SETD2: variants seen among roughly 807,000 people sequenced by gnomAD.
SETD2 encodes the protein SET domain containing 2, histone lysine methyltransferase, also known as histone-lysine N-methyltransferase SETD2.
In SETD2, 31 loss-of-function variants were observed where a neutral mutation model predicts 242.1. The ratio of observed to expected loss-of-function variants is 0.13; its 90% CI spans 0.10 to 0.17. The LOEUF is 0.17. SETD2 is among the 10% of genes least tolerant of loss of function. The probability of loss-of-function intolerance (pLI) is 1.00; values close to 1 mark genes in which losing one functional copy is unlikely to be tolerated. For synonymous variants in SETD2, 1,006 were observed against 1,066.5 expected (o/e 0.94, Z 1.11); for missense variants, 2,481 against 3,046.3 (o/e 0.81, Z 4.37).
intron 18 of SETD2, among the ~76,000 whole-genome samples, chr3:47,024,733 CAT>C (rs780380581): frequency 6.6e-6 from 1 of 152,220 alleles, no homozygotes; most frequent in East Asian, 1.9e-4. Context: ...TTTAACATAA[CAT>C]AGTTAGAGGA....
intron 18 of SETD2, among the ~76,000 whole-genome samples, chr3:47,021,829 C>G (rs750483269): frequency 2.0e-5 from 3 of 152,126 alleles, no homozygotes; most frequent in Non-Finnish European, 2.9e-5. Flanking sequence ...TAGGACCCCC[C>G]ACTCCAAAAA....
intron 1 of SETD2, among the ~76,000 whole-genome samples, chr3:47,129,881 AAAAAAAAAAAAG>A (rs1193388712): frequency 1.3e-5 from 2 of 151,058 alleles, no homozygotes; most frequent in African/African-American, 4.8e-5. Context: ...TCCGCCTCAA[AAAAAAAAAAAAG>A]AAAAAAGAAA....
chr3:47,126,160 G>C (rs1231724581), intron 2 of SETD2, among the ~76,000 whole-genome samples: 2 of 152,146 alleles, frequency 1.3e-5, no homozygotes, highest in Non-Finnish European at 2.9e-5. Flanking sequence ...CTCCTGAGTA[G>C]CTGGGACTAA....
intron 18 of SETD2, among the ~76,000 whole-genome samples, chr3:47,029,597 G>GT (rs2038672427): frequency 6.6e-6 from 1 of 151,988 alleles, no homozygotes; most frequent in Non-Finnish European, 1.5e-5. Flanking sequence ...GTCCTATTGT[G>GT]TTTCTTGTTT....
intron 9 of SETD2, among the ~76,000 whole-genome samples, chr3:47,090,385 A>G: frequency 6.6e-6 from 1 of 151,992 alleles, no homozygotes; most frequent in Non-Finnish European, 1.5e-5. Flanking sequence ...ATGGATTATT[A>G]TTTTTTTATT....
chr3:47,084,254 C>A lies in SETD2; in HGVS notation c.5526G>T (p.Gly1842=), dbSNP rs2041448946. The A allele has an allele frequency of 6.2e-7, 1 of 1,613,906 alleles. No individual in the cohort carries two copies. Among genetic ancestry groups the A allele is most frequent in the African/African-American group, 1.3e-5 (1 of 74,872 alleles). The change falls in exon 12 of 21, where the codon GGG becomes GGT. Residue 1842 remains glycine, a synonymous_variant. Transcript: ENST00000409792. The part of the protein sequence containing the change: ...TAVPPLSEGD[G]YSSENTSRAH... The stretch of plus-strand genomic sequence containing the variant: ...CACGCGATGTATTCTCACTAGAATA[C>A]CCATCTCCTTCACTCAACGGAGGGA...
At chr3:47,132,862 G>A (rs1475036182) in intron 1 of SETD2, among the ~76,000 whole-genome samples, 1 of 152,146 alleles carries the variant, frequency 6.6e-6, no homozygotes, top group Non-Finnish European at 1.5e-5. Context: ...ATTTCTGACA[G>A]AAAACAAAAA....
intron 9 of SETD2, among the ~76,000 whole-genome samples, chr3:47,090,703 GATA>G (rs2041767541): frequency 6.6e-6 from 1 of 152,072 alleles, no homozygotes; most frequent in Non-Finnish European, 1.5e-5. Context: ...AGTGGAACTT[GATA>G]ATAATTTGTG....
intron 1 of SETD2, among the ~76,000 whole-genome samples, chr3:47,137,745 A>C (rs1489572587): frequency 6.9e-6 from 1 of 145,820 alleles, no homozygotes; most frequent in Admixed American, 6.8e-5. Flanking sequence ...GGAGTGCAAT[A>C]GTGCGATCTT....
In SETD2 at chr3:47,060,319, G is replaced by A. The variant is rs1014745031; in HGVS notation, c.6293+1844C>T. 5.3e-5 allele frequency among the ~76,000 whole-genome samples: 8 copies of A among 152,104 alleles called. No homozygotes were observed. In the East Asian group the frequency reaches 7.7e-4, roughly 15 times the overall value. On this transcript the variant is annotated intron_variant, in intron 14 of 20. Transcript: ENST00000409792. ...CTCAAAATTGTATCAATGTCAAGTC[G>A]CTACAGAATCATCTCTTTGGTGGGT...
upstream of SETD2, among the ~76,000 whole-genome samples, chr3:47,164,213 GC>G (rs1697603074): frequency 6.6e-6 from 1 of 152,122 alleles, no homozygotes; most frequent in African/African-American, 2.4e-5. The surrounding 1 kb of genome is among the most constrained non-coding windows in gnomAD (Gnocchi z 5.4). Context: ...CCGATCTGCC[GC>G]CAGTCGGCGT....
At chr3:47,155,824 G>GT (rs1226546268) in intron 1 of SETD2, among the ~76,000 whole-genome samples, 3 of 151,682 alleles carry the variant, frequency 2.0e-5, no homozygotes, top group Non-Finnish European at 2.9e-5. Context: ...ATAAAAAAGT[G>GT]TTTTTTTGTT....
At chr3:47,055,809 G>A (rs1472148808) in intron 15 of SETD2, among the ~76,000 whole-genome samples, 3 of 151,768 alleles carry the variant, frequency 2.0e-5, no homozygotes, top group Admixed American at 1.3e-4. Context: ...TCAGGAGATT[G>A]AGACCATCCT....
At chr3:47,018,835 T>TA (rs1463641867) in intron 19 of SETD2, among the ~76,000 whole-genome samples, 5 of 152,214 alleles carry the variant, frequency 3.3e-5, no homozygotes, top group South Asian at 2.1e-4. Flanking sequence ...TCAGGCCACT[T>TA]ACAACTCCCT....
intron 15 of SETD2, among the ~76,000 whole-genome samples, chr3:47,048,978 A>T (rs966873914): frequency 6.6e-5 from 10 of 151,030 alleles, no homozygotes; most frequent in Admixed American, 2.0e-4. Context: ...TATTTTTTTT[A>T]AAAAAGAGTC....
intron 1 of SETD2, among the ~76,000 whole-genome samples, chr3:47,158,198 T>C (rs983781456): frequency 4.6e-5 from 7 of 152,146 alleles, no homozygotes; most frequent in Non-Finnish European, 8.8e-5. Flanking sequence ...GACAATTATA[T>C]TGAGGGGAAA....
chr3:47,138,827 A>G (rs1488342688), intron 1 of SETD2, among the ~76,000 whole-genome samples: 2 of 152,288 alleles, frequency 1.3e-5, no homozygotes, highest in Middle Eastern at 3.4e-3. Flanking sequence ...CAGCCTCCCA[A>G]AGTGCTGGGA....
At chr3:47,138,224 A>G (rs1043219686) in intron 1 of SETD2, 22 of 188,268 alleles carry the variant, frequency 1.2e-4, no homozygotes, top group Non-Finnish European at 2.3e-4. Flanking sequence ...CGCCCGCCTC[A>G]GCCTCCCAAA....
chr3:47,042,625 G>T lies in SETD2; in HGVS notation c.7174C>A (p.Pro2392Thr), dbSNP rs749808656. The change falls in exon 17 of 21, where the codon CCT (proline) becomes ACT (threonine). Residue 2392 changes from proline to threonine, a missense_variant. By Grantham distance (38) the Pro-to-Thr change is conservative. Around this residue, in one of 17 missense-constraint regions of SETD2, gnomAD observed 235 missense variants for 293.9 expected, o/e 0.80. Transcript: ENST00000409792. Reference sequence around the variant, plus strand: ...TCTCGAGCTGTCTTCCAGTTGGGAGGTAAGACAATGGTTTTTGGTTTGGGA... The same window carrying T: ...TCTCGAGCTGTCTTCCAGTTGGGAGTTAAGACAATGGTTTTTGGTTTGGGA... ...SPPKPKTIVL[P>T]PNWKTARDPE... 6.2e-7 allele frequency: 1 copy of T among 1,613,852 alleles called. No homozygotes were observed. Among genetic ancestry groups the T allele is most frequent in the Non-Finnish European group, 8.5e-7 (1 of 1,179,868 alleles).
Sources: allele counts gnomAD v4.1 joint callset (sites outside exome capture counted in the v4.1 genomes callset), GRCh38; gene constraint gnomAD v4.1.1; regional missense constraint gnomAD v4.1.1; non-coding constraint Gnocchi (gnomAD v3.1); transcripts MANE v1.5; gene names NCBI Gene and HGNC (gene_info 2026-07-23, HGNC 2026-07-21).